Variants in C14orf39 observed in about 807,000 individuals in gnomAD.
The protein encoded by C14orf39 is protein SIX6OS1.
A neutral mutation model predicts 85.6 loss-of-function variants in C14orf39; 66 were observed. The observed-to-expected ratio is 0.77, with a 90% CI of 0.63 to 0.95. C14orf39 has a LOEUF of 0.95. Among genes scored for constraint, C14orf39 ranks in the 40% least tolerant of loss-of-function variants. The pLI is 0.00. For synonymous variants in C14orf39, 242 were observed against 214.0 expected (o/e 1.13, Z -1.14); for missense variants, 735 against 663.9 (o/e 1.11, Z -1.18).
At chr14:60,483,639 A>G in intron 4 of C14orf39, 52 bp downstream of exon 4, 1 of 1,506,148 alleles carries the variant, frequency 6.6e-7, no homozygotes, top group South Asian at 1.3e-5. Flanking sequence ...CTGTAAACTC[A>G]AAAACCCTAA....
rs913955458 is a variant in C14orf39 at position 60,473,721 on chromosome 14, G to C, written c.324-1982C>G. On this transcript the variant is annotated intron_variant, in intron 5 of 17. Transcript: ENST00000321731. ...AAAGATCAGATAGTTGTAGATATGCGGCATTATTTCTCAGGGCTCTGTTCT... is the reference window on the plus strand; with the variant it reads ...AAAGATCAGATAGTTGTAGATATGCCGCATTATTTCTCAGGGCTCTGTTCT... Among the ~76,000 whole-genome samples, 8 of 152,140 alleles carry C rather than the reference G, an allele frequency of 5.3e-5. No homozygotes were observed. The East Asian group carries it at 1.5e-3, about 29-fold the overall frequency.
intron 1 of C14orf39, among the ~76,000 whole-genome samples, chr14:60,513,032 C>A (rs56347340): frequency 9.3e-4 from 142 of 152,280 alleles, no homozygotes; most frequent in African/African-American, 3.2e-3. Context: ...AGCAGCCAAA[C>A]GGCAAGATAG....
At chr14:60,483,251 T>G (rs1892725546) in intron 4 of C14orf39, among the ~76,000 whole-genome samples, 4 of 152,164 alleles carry the variant, frequency 2.6e-5, no homozygotes, top group Admixed American at 6.5e-5. Context: ...TCTTTGTTGT[T>G]TTTATGTATT....
At chr14:60,443,400 C>G (rs1007794170) in intron 16 of C14orf39, among the ~76,000 whole-genome samples, 1 of 152,182 alleles carries the variant, frequency 6.6e-6, no homozygotes, top group African/African-American at 2.4e-5. Context: ...AGTGCCATGC[C>G]CAAGGAGCCT....
At chr14:60,514,938 G>A (rs890361522) in intron 1 of C14orf39, among the ~76,000 whole-genome samples, 2 of 152,162 alleles carry the variant, frequency 1.3e-5, no homozygotes, top group Admixed American at 6.5e-5. Context: ...CGTAATCAGG[G>A]CTAATGACGG....
chr14:60,485,129 G>C, intron 1 of C14orf39, 43 bp from the exon 2 acceptor site: 2 of 1,504,484 alleles, frequency 1.3e-6, no homozygotes, highest in Non-Finnish European at 1.8e-6. Flanking sequence ...TTCTGAAGTC[G>C]TATGCAAAAC....
intron 6 of C14orf39, 31 bp from the exon 7 acceptor site, chr14:60,471,490 T>C (rs756925246): frequency 1.3e-6 from 2 of 1,581,756 alleles, no homozygotes; most frequent in Non-Finnish European, 1.7e-6. Context: ...ATAAGCTGAT[T>C]ATTATATTCT....
At chr14:60,440,692 A>G (rs1310195927) in intron 17 of C14orf39, among the ~76,000 whole-genome samples, 2 of 152,298 alleles carry the variant, frequency 1.3e-5, no homozygotes, top group Non-Finnish European at 2.9e-5. Flanking sequence ...TCACTCAGAA[A>G]AAAAACCCTA....
intron 1 of C14orf39, among the ~76,000 whole-genome samples, chr14:60,506,175 G>A (rs1397194042): frequency 6.6e-6 from 1 of 152,130 alleles, no homozygotes; most frequent in Non-Finnish European, 1.5e-5. Flanking sequence ...TCTACTAGCT[G>A]CAAACCACCA....
chr14:60,444,448 C>A (rs776418111), intron 16 of C14orf39, among the ~76,000 whole-genome samples: 6 of 152,038 alleles, frequency 3.9e-5, no homozygotes, highest in African/African-American at 1.4e-4. Context: ...GAAAGGATAT[C>A]AGTGATTGAA....
intron 16 of C14orf39, among the ~76,000 whole-genome samples, chr14:60,442,494 C>A (rs1890566410): frequency 6.6e-6 from 1 of 152,066 alleles, no homozygotes; most frequent in Admixed American, 6.6e-5. Flanking sequence ...CAGTTGAGAT[C>A]AAGTTTTGCT....
At chr14:60,451,387 C>T (rs1272320353) in intron 16 of C14orf39, among the ~76,000 whole-genome samples, 1 of 152,162 alleles carries the variant, frequency 6.6e-6, no homozygotes, top group Non-Finnish European at 1.5e-5. Context: ...GACACATGCA[C>T]ACGTATGTTT....
chr14:60,442,731 T>A (rs1016845472), intron 16 of C14orf39, among the ~76,000 whole-genome samples: 6 of 152,206 alleles, frequency 3.9e-5, no homozygotes, highest in African/African-American at 1.4e-4. Context: ...TTGTCCCAAC[T>A]TTGTTTTTTA....
intron 14 of C14orf39, among the ~76,000 whole-genome samples, chr14:60,458,335 CT>C (rs1566663449): frequency 6.6e-6 from 1 of 151,828 alleles, no homozygotes; most frequent in East Asian, 1.9e-4. Flanking sequence ...TTGAAACCCG[CT>C]TTTTTAGCTC....
Position 60,471,573 on chromosome 14 carries a change from T to G in C14orf39, c.490A>C (p.Thr164Pro). 6.3e-7 allele frequency: 1 copy of G among 1,593,058 alleles called. No homozygotes were observed. Among genetic ancestry groups the G allele is most frequent in the Non-Finnish European group, 8.5e-7 (1 of 1,173,346 alleles). Residue 164 changes from threonine (T) to proline (P), a missense_variant, in exon 6 of 18, where the codon ACA becomes CCA. By Grantham distance (38) the Thr-to-Pro change is conservative. Coordinates refer to ENST00000321731, the MANE Select transcript of C14orf39 (RefSeq NM_174978.3). ...ACTEQLKMNE[T>P]IFMKFRVPAP... Reference sequence around the variant, plus strand: ...ATACCTCGAAATTTCATAAAAATTGTTTCATTCATTTTTAATTGTTCAGTA... The same window carrying G: ...ATACCTCGAAATTTCATAAAAATTGGTTCATTCATTTTTAATTGTTCAGTA...
chr14:60,511,600 G>C (rs1464641945), intron 1 of C14orf39: 3 of 464,966 alleles, frequency 6.5e-6, no homozygotes, highest in Non-Finnish European at 1.2e-5. Context: ...TCGAAAGGAC[G>C]CTGTTACATA....
At chr14:60,437,260 C>G (rs1890297492) in intron 17 of C14orf39, among the ~76,000 whole-genome samples, 1 of 151,826 alleles carries the variant, frequency 6.6e-6, no homozygotes, top group African/African-American at 2.4e-5. Flanking sequence ...ACCCTGTTTT[C>G]AAGTAATTTG....
chr14:60,444,364 T>TG (rs1230798871), intron 16 of C14orf39, among the ~76,000 whole-genome samples: 1 of 152,074 alleles, frequency 6.6e-6, no homozygotes, highest in East Asian at 1.9e-4. Context: ...AATGGCCTGA[T>TG]GGAGCTGAAA....
chr14:60,455,129 CATTTCT>C lies in C14orf39; in HGVS notation c.1369_1374del (p.Arg457_Asn458del). The C allele has an allele frequency of 6.4e-7, 1 of 1,558,982 alleles. No individual in the cohort carries two copies. Among genetic ancestry groups the C allele is most frequent in the Non-Finnish European group, 8.6e-7 (1 of 1,159,714 alleles). On this transcript the variant is annotated inframe_deletion, in exon 16 of 18. Coordinates refer to ENST00000321731, the MANE Select transcript of C14orf39 (RefSeq NM_174978.3). ...TTTTCTGTTTGAACTTCAGGTACTG[CATTTCT>C]ATTTCTGTTACTGAGAAATAAGAAA...
Sources: gnomAD v4.1 joint callset for allele counts (sites outside exome capture counted in the v4.1 genomes callset) on GRCh38, gnomAD v4.1.1 for gene constraint, MANE v1.5 for transcripts, NCBI Gene and HGNC (gene_info 2026-07-23, HGNC 2026-07-21) for gene names.